FBXL18: variants seen among roughly 807,000 people sequenced by gnomAD.
FBXL18 encodes the protein F-box and leucine rich repeat protein 18.
In FBXL18, 36 loss-of-function variants were observed where a neutral mutation model predicts 46.0. That is an observed-to-expected ratio of 0.78 (90% CI 0.60 to 1.03). The LOEUF (loss-of-function observed/expected upper bound fraction) is 1.03. Among genes scored for constraint, FBXL18 ranks in the 50% least tolerant of loss-of-function variants. The pLI is 0.00. For missense variants in FBXL18, 977 were observed against 1,004.1 expected, an observed-to-expected ratio of 0.97 and a Z score of 0.36; for synonymous variants, 557 against 465.3, an observed-to-expected ratio of 1.20 and a Z score of -2.54.
intron 1 of FBXL18, among the ~76,000 whole-genome samples, chr7:5,507,243 A>G (rs1187312599): frequency 6.6e-6 from 1 of 152,156 alleles, no homozygotes; most frequent in African/African-American, 2.4e-5. Context: ...AAGGCCATGG[A>G]GGAAGAGCCT....
chr7:5,509,778 G>T (rs1245747172), intron 1 of FBXL18, among the ~76,000 whole-genome samples: 3 of 151,790 alleles, frequency 2.0e-5, no homozygotes, highest in African/African-American at 7.3e-5. Context: ...ACCCAACCTG[G>T]TGGGGCAGGT....
chr7:5,475,604 CT>C, downstream of FBXL18, among the ~76,000 whole-genome samples: 1 of 152,324 alleles, frequency 6.6e-6, no homozygotes, highest in South Asian at 2.1e-4. The surrounding 1 kb of genome is among the most constrained non-coding windows in gnomAD (Gnocchi z 4.2). Flanking sequence ...CTGATGCCCC[CT>C]GGGGAGTGTC....
At chr7:5,470,680 G>A (rs915136190) in intron 4 of FBXL18, among the ~76,000 whole-genome samples, 1 of 150,936 alleles carries the variant, frequency 6.6e-6, no homozygotes, top group Non-Finnish European at 1.5e-5. Flanking sequence ...CCGGCCCAGA[G>A]GCTGCCCCCT....
chr7:5,489,031 C>T (rs1783845791), intron 4 of FBXL18: 1 of 304,772 alleles, frequency 3.3e-6, no homozygotes, highest in South Asian at 2.7e-5. Flanking sequence ...TGGAACATTC[C>T]AGCTGCCACC....
At chr7:5,454,943 G>A (rs572660047) in intron 4 of FBXL18, among the ~76,000 whole-genome samples, 26 of 152,336 alleles carry the variant, frequency 1.7e-4, no homozygotes, top group African/African-American at 5.8e-4. Context: ...ATCCTAAAGG[G>A]TAGAGTTTGC....
chr7:5,480,954 C>T lies in FBXL18; in HGVS notation c.*821G>A, dbSNP rs917932304. The T allele has an allele frequency of 2.7e-5, 4 of 149,902 alleles. No homozygotes were observed. The highest frequency in any genetic ancestry group is 4.9e-5 in the African/African-American group (2 of 40,762). 9.3% of individuals were successfully genotyped at this position (149,902 alleles called of 1,614,324 possible). On this transcript the variant is annotated 3_prime_UTR_variant, in exon 5 of 5. Transcript: ENST00000382368. ...GAATCCTTTCTGGGTTTTAATGTTT[C>T]GCGTTATTCTAACAAAGCCGAATGT...
chr7:5,498,207 C>A (rs1784135411), intron 3 of FBXL18, among the ~76,000 whole-genome samples: 1 of 151,802 alleles, frequency 6.6e-6, no homozygotes. Context: ...CCTGCCTCAG[C>A]CTCCTAAGCA....
intron 4 of FBXL18, among the ~76,000 whole-genome samples, chr7:5,459,710 A>T (rs1455166826): frequency 6.6e-6 from 1 of 151,122 alleles, no homozygotes; most frequent in Non-Finnish European, 1.5e-5. Flanking sequence ...ACTGCACTCC[A>T]GCCTGGGCAA....
intron 4 of FBXL18, among the ~76,000 whole-genome samples, chr7:5,458,696 C>T (rs927204934): frequency 6.7e-6 from 1 of 148,678 alleles, no homozygotes; most frequent in East Asian, 2.0e-4. Flanking sequence ...GACTCCGTCC[C>T]CCAAAAAAAA....
downstream of FBXL18, among the ~76,000 whole-genome samples, chr7:5,474,013 T>C (rs1783468616): frequency 6.6e-6 from 1 of 151,922 alleles, no homozygotes; most frequent in Non-Finnish European, 1.5e-5. Flanking sequence ...GTCAGGCTGG[T>C]CTCAAACTCC....
chr7:5,509,553 C>A (rs957258902), intron 1 of FBXL18, among the ~76,000 whole-genome samples: 1 of 151,750 alleles, frequency 6.6e-6, no homozygotes, highest in African/African-American at 2.4e-5. Context: ...ATTAGCCAGG[C>A]GTGGTGGTGG....
chr7:5,462,907 C>A (rs1382059177), intron 4 of FBXL18, among the ~76,000 whole-genome samples: 3 of 135,436 alleles, frequency 2.2e-5, no homozygotes, highest in African/African-American at 8.2e-5. Context: ...GCCAAGATCG[C>A]GCCACTGCAC....
Position 5,476,891 on chromosome 7 carries a change from G to GTT in FBXL18, c.*4882_*4883dup, listed in dbSNP as rs59873304. 26 of 138,408 alleles carry GTT rather than the reference G, an allele frequency of 1.9e-4. No individual in the cohort carries two copies. The highest frequency in any genetic ancestry group is 3.2e-4 in the African/African-American group (12 of 37,696). 8.6% of individuals were successfully genotyped at this position (138,408 alleles called of 1,614,324 possible). ...CCCAGTAGATCTAGAAACTTCTTTT[G>GTT]TTTTTTTTTTTTTTGAGACGGAGTC... On this transcript the variant is annotated 3_prime_UTR_variant, in exon 5 of 5. Transcript: ENST00000382368.
chr7:5,510,779 C>G (rs1395019629), intron 1 of FBXL18, among the ~76,000 whole-genome samples: 1 of 152,098 alleles, frequency 6.6e-6, no homozygotes, highest in Non-Finnish European at 1.5e-5. Context: ...CCCAGAACCT[C>G]CCTTCCCTCC....
Position 5,491,223 on chromosome 7 carries a change from T to C in FBXL18, c.2000+8A>G. The C allele has an allele frequency of 1.9e-6, 3 of 1,606,660 alleles. No individual in the cohort carries two copies. On this transcript the variant is annotated splice_region_variant and intron_variant, in intron 4 of 4. Transcript: ENST00000382368. ...CCCCTGAAGCTGTACGCAACCCACA[T>C]CACTCACCTGCGGAGAAGCGACTGC...
At position 5,460,811 on chromosome 7, in the gene FBXL18, C is replaced by T. The variant is rs558355459; in HGVS notation, c.2001-12968G>A. Among the ~76,000 whole-genome samples, 10 of 152,282 alleles carry T rather than the reference C, an allele frequency of 6.6e-5. No individual in the cohort carries two copies. The East Asian group carries it at 1.9e-3, about 29-fold the overall frequency. On this transcript the variant is annotated intron_variant and NMD_transcript_variant, in intron 4 of 6. Coordinates refer to the FBXL18 transcript ENST00000415009. The stretch of plus-strand genomic sequence containing the variant: ...TGCACCCGGGCCTCCATCCCAAGCC[C>T]GGCCTCGCTATCTGCACATTGCCGC...
rs372184331 is a variant in FBXL18 at position 5,501,687 on chromosome 7, T to C, written c.582A>G (p.Leu194=). The C allele has an allele frequency of 1.5e-4, 248 of 1,605,484 alleles. No individual in the cohort carries two copies. The Middle Eastern group carries it at 1.8e-3, about 12-fold the overall frequency. The part of the protein sequence containing the change: ...SYGVVPCCTS[L]EKLLLYFEIL... ...TCTCGAAGTAGAGCAGCAGCTTCTC[T>C]AGGCTGGTGCAGCAGGGCACCACGC... The change falls in exon 3 of 5, where the codon CTA becomes CTG. Residue 194 remains leucine (L), a synonymous_variant. Coordinates refer to ENST00000382368, the MANE Select transcript of FBXL18 (RefSeq NM_024963.6).
In FBXL18 at chr7:5,496,052, C is replaced by G; in HGVS notation, c.1781+4436G>C. 1 of 363,644 alleles carries G rather than the reference C, an allele frequency of 2.7e-6. No individual in the cohort carries two copies. 22.5% of individuals were successfully genotyped at this position (363,644 alleles called of 1,614,324 possible). A position where few individuals can be genotyped will look rare whatever the true frequency, so the allele number is the denominator to read the frequency against. ...TGCTCCTGAGGAAGGCCCTTGGCCA[C>G]GGGGATTCCGTCCCAGACTCCGGAG... On this transcript the variant is annotated intron_variant, in intron 3 of 4. Coordinates refer to ENST00000382368, the MANE Select transcript of FBXL18 (RefSeq NM_024963.6). The surrounding 1 kb of genome is among the most constrained non-coding windows in gnomAD (Gnocchi z 4.8).
rs986802501 is a variant in FBXL18, at chr7:5,491,556, G to A, written c.1782-107C>T. 16 of 953,246 alleles carry A rather than the reference G, an allele frequency of 1.7e-5. No individual in the cohort carries two copies. The Admixed American group carries it at 4.2e-4, about 25-fold the overall frequency. The allele number at this position is 953,246 out of a possible 1,614,324, so 59.0% of individuals were successfully genotyped here. ...TGGAAGCTTCCTGGCCTGGGGCCCA[G>A]CCCAGCTGTTCCCGCCACCTCCCAC... On this transcript the variant is annotated intron_variant, in intron 3 of 4. Transcript: ENST00000382368.
Sources: allele counts gnomAD v4.1 joint callset (sites outside exome capture counted in the v4.1 genomes callset), GRCh38; gene constraint gnomAD v4.1.1; non-coding constraint Gnocchi (gnomAD v3.1); transcripts MANE v1.5; gene names NCBI Gene and HGNC (gene_info 2026-07-23, HGNC 2026-07-21).